Variants in SGO1 observed in about 807,000 individuals in gnomAD.
SGO1 encodes the protein serologically defined breast cancer antigen NY-BR-85.
Under a neutral mutation model 50.5 loss-of-function variants are expected in SGO1, and 39 were observed. The ratio of observed to expected loss-of-function variants is 0.77; its 90% CI spans 0.60 to 1.01. The LOEUF is 1.01. Among genes scored for constraint, SGO1 ranks in the 50% least tolerant of loss-of-function variants. SGO1 has a pLI of 0.00. For missense variants in SGO1, 638 were observed against 606.0 expected (o/e 1.05, Z -0.55); for synonymous variants, 191 against 205.1 (o/e 0.93, Z 0.59).
In SGO1 at chr3:20,183,510, C is replaced by G. The variant is rs568106234; in HGVS notation, c.339+98G>C. The stretch of plus-strand genomic sequence containing the variant: ...GATGTTTTAAACAATTCATGCATAA[C>G]TGAGCTATCAGTAATTCATTTAAAT... On this transcript the variant is annotated intron_variant, in intron 3 of 7. Transcript: ENST00000412997. 3 of 996,958 alleles carry G rather than the reference C, an allele frequency of 3.0e-6. No homozygotes were observed. The East Asian group carries it at 7.5e-5, about 25-fold the overall frequency. 61.8% of individuals were successfully genotyped at this position (996,958 alleles called of 1,614,324 possible).
At position 20,169,824 on chromosome 3, in the gene SGO1, A is replaced by G; in HGVS notation, c.*880T>C. Reference sequence around the variant, plus strand: ...CTAGTCATTTTCCCATACATATTTTATCTGAAAAATTAAATATAACAGTGG... The same window carrying G: ...CTAGTCATTTTCCCATACATATTTTGTCTGAAAAATTAAATATAACAGTGG... On this transcript the variant is annotated 3_prime_UTR_variant, in exon 8 of 8. Coordinates refer to ENST00000412997, the MANE Select transcript of SGO1 (RefSeq NM_001199251.3). The G allele has an allele frequency of 5.1e-6, 5 of 974,780 alleles. No homozygotes were observed. Among genetic ancestry groups the G allele is most frequent in the Non-Finnish European group, 6.1e-6 (5 of 820,228 alleles). 60.4% of individuals were successfully genotyped at this position (974,780 alleles called of 1,614,324 possible).
chr3:20,171,385 C>G (rs1700728396), intron 6 of SGO1, 153 bp from the exon 7 acceptor site: 1 of 553,568 alleles, frequency 1.8e-6, no homozygotes, highest in Non-Finnish European at 3.0e-6. Context: ...GTTGCCCAGG[C>G]TGAAGTGCAG....
intron 3 of SGO1, among the ~76,000 whole-genome samples, chr3:20,181,152 C>T (rs973186711): frequency 2.0e-5 from 3 of 152,138 alleles, no homozygotes; most frequent in African/African-American, 7.2e-5. Flanking sequence ...GAGACTCTGT[C>T]CACCCCCAAC....
At chr3:20,181,653 T>A (rs141055350) in intron 3 of SGO1, among the ~76,000 whole-genome samples, 2 of 152,290 alleles carry the variant, frequency 1.3e-5, no homozygotes, top group Non-Finnish European at 2.9e-5. Flanking sequence ...TCCTACTATT[T>A]CTGTTTTTCA....
downstream of SGO1, among the ~76,000 whole-genome samples, chr3:20,167,109 C>G (rs536571302): frequency 6.6e-6 from 1 of 152,128 alleles, no homozygotes; most frequent in African/African-American, 2.4e-5. Flanking sequence ...CAGCATAAAG[C>G]TAAACAAATA....
Position 20,170,329 on chromosome 3 carries a change from C to G in SGO1, c.*375G>C. Reference sequence around the variant, plus strand: ...AGGAGAATCGCTTGAACCTGGGAGGCGGAGGTTGCGGTAAGCTGAGATCGT... The same window carrying G: ...AGGAGAATCGCTTGAACCTGGGAGGGGGAGGTTGCGGTAAGCTGAGATCGT... On this transcript the variant is annotated 3_prime_UTR_variant, in exon 8 of 8. Coordinates refer to ENST00000412997, the MANE Select transcript of SGO1 (RefSeq NM_001199251.3). The G allele has an allele frequency of 3.0e-6, 2 of 662,000 alleles. No individual in the cohort carries two copies. The highest frequency in any genetic ancestry group is 3.7e-6 in the Non-Finnish European group (2 of 535,792). The allele number at this position is 662,000 out of a possible 1,614,324, so 41.0% of individuals were successfully genotyped here. A position where few individuals can be genotyped will look rare whatever the true frequency, so the allele number is the denominator to read the frequency against.
Position 20,174,589 on chromosome 3 carries a change from G to T in SGO1, c.942C>A (p.Ser314Arg). 6.3e-7 allele frequency: 1 copy of T among 1,599,780 alleles called. No homozygotes were observed. Among genetic ancestry groups the T allele is most frequent in the African/African-American group, 1.4e-5 (1 of 73,876 alleles). ...TTTGGGGAACAGTTTTTTTATTTTCGCTTTTATTCTCTTTATATTTTGACA... is the reference window on the plus strand; with the variant it reads ...TTTGGGGAACAGTTTTTTTATTTTCTCTTTTATTCTCTTTATATTTTGACA... ...KRMSKYKENKSENKKTVPQKK... is the reference protein window; with the variant it reads ...KRMSKYKENKRENKKTVPQKK... Residue 314 changes from serine (S) to arginine (R), a missense_variant, in exon 6 of 8, where the codon AGC (serine) becomes AGA (arginine). Transcript: ENST00000412997.
chr3:20,169,997 G>T lies in SGO1; in HGVS notation c.*707C>A. The T allele has an allele frequency of 1.0e-6, 1 of 984,750 alleles. No individual in the cohort carries two copies. Among genetic ancestry groups the T allele is most frequent in the Middle Eastern group, 5.2e-4 (1 of 1,910 alleles). The allele number at this position is 984,750 out of a possible 1,614,324, so 61.0% of individuals were successfully genotyped here. ...TAAAGAGTTTCAAAAGATCCTCTTA[G>T]AAAATCATTCACTTTAGTATCCCCT... On this transcript the variant is annotated 3_prime_UTR_variant, in exon 8 of 8. Transcript: ENST00000412997.
intron 3 of SGO1, among the ~76,000 whole-genome samples, chr3:20,182,740 C>T (rs9863456): frequency 0.013 from 2,005 of 152,140 alleles, 50 homozygotes; most frequent in African/African-American, 0.045. Flanking sequence ...AATTTGAGGC[C>T]GGGCGCGGTG....
rs563249397 is a variant in SGO1, at chr3:20,169,680, C to G, written c.*1024G>C. 8.6e-5 allele frequency: 80 copies of G among 930,698 alleles called. No homozygotes were observed. In the African/African-American group the frequency reaches 1.0e-3, roughly 12 times the overall value. 57.7% of individuals were successfully genotyped at this position (930,698 alleles called of 1,614,324 possible). A position where few individuals can be genotyped will look rare whatever the true frequency, so the allele number is the denominator to read the frequency against. Reference sequence around the variant, plus strand: ...GATTTCTGACTAAATAAGGAGCTACCCTGAAAGTACATGACATTTGTAATT... The same window carrying G: ...GATTTCTGACTAAATAAGGAGCTACGCTGAAAGTACATGACATTTGTAATT... On this transcript the variant is annotated 3_prime_UTR_variant, in exon 8 of 8. Coordinates refer to ENST00000412997, the MANE Select transcript of SGO1 (RefSeq NM_001199251.3).
In SGO1 at chr3:20,174,617, C is replaced by T. The variant is rs755701369; in HGVS notation, c.914G>A (p.Arg305His). The T allele has an allele frequency of 4.4e-6, 7 of 1,599,456 alleles. No homozygotes were observed. The highest frequency in any genetic ancestry group is 2.7e-5 in the African/African-American group (2 of 73,908). ...KRKANRRKSKRMSKYKENKSE... is the reference protein window; with the variant it reads ...KRKANRRKSKHMSKYKENKSE... Reference sequence around the variant, plus strand: ...TTTATTCTCTTTATATTTTGACATACGTTTTGATTTTCTCCTGTTAGCTTT... The same window carrying T: ...TTTATTCTCTTTATATTTTGACATATGTTTTGATTTTCTCCTGTTAGCTTT... The change falls in exon 6 of 8, where the codon CGT (arginine) becomes CAT (histidine). Residue 305 changes from arginine (R) to histidine (H), a missense_variant. Arg to His is a conservative substitution (Grantham distance 29, BLOSUM62 0). Coordinates refer to ENST00000412997, the MANE Select transcript of SGO1 (RefSeq NM_001199251.3).
intron 3 of SGO1, among the ~76,000 whole-genome samples, chr3:20,180,429 C>G (rs1459672330): frequency 6.6e-6 from 1 of 152,104 alleles, no homozygotes; most frequent in Non-Finnish European, 1.5e-5. Context: ...GGTTTCATTA[C>G]TTTTTCTCTA....
At chr3:20,175,854 G>C (rs1159913085) in intron 5 of SGO1, among the ~76,000 whole-genome samples, 1 of 151,988 alleles carries the variant, frequency 6.6e-6, no homozygotes, top group Non-Finnish European at 1.5e-5. Context: ...AAAATGAATA[G>C]TCTATATGTA....
chr3:20,176,683 A>T (rs773464773), intron 4 of SGO1, 24 bp from the exon 5 acceptor site: 2 of 1,480,042 alleles, frequency 1.4e-6, no homozygotes, highest in South Asian at 2.6e-5. Flanking sequence ...AATGAAAAAC[A>T]GAAATTTAAC....
intron 3 of SGO1, among the ~76,000 whole-genome samples, chr3:20,181,673 T>C (rs548409742): frequency 2.3e-4 from 35 of 152,340 alleles, no homozygotes; most frequent in African/African-American, 7.9e-4. Flanking sequence ...AGCAAAAACT[T>C]TGTAAAGGGA....
chr3:20,161,203 T>C, exon 9 of SGO1: 6 of 1,606,884 alleles, frequency 3.7e-6, no homozygotes, highest in Non-Finnish European at 4.2e-6. Context: ...ATTGCTTCTT[T>C]GGCAGGTGAT....
chr3:20,161,419 T>C (rs1278341374), intron 8 of SGO1, among the ~76,000 whole-genome samples: 2 of 151,954 alleles, frequency 1.3e-5, no homozygotes, highest in African/African-American at 4.8e-5. Flanking sequence ...TTGCTAAAAA[T>C]AGAGAAAACA....
intron 5 of SGO1, 114 bp from the exon 6 acceptor site, chr3:20,175,169 T>C (rs1448174309): frequency 2.8e-6 from 3 of 1,063,232 alleles, no homozygotes; most frequent in Non-Finnish European, 3.7e-6. Flanking sequence ...ATTCTGTAGT[T>C]TTCCTACATT....
chr3:20,181,161 AC>A (rs1701976756), intron 3 of SGO1, among the ~76,000 whole-genome samples: 1 of 152,196 alleles, frequency 6.6e-6, no homozygotes, highest in Non-Finnish European at 1.5e-5. Context: ...TCCACCCCCA[AC>A]CTACCCTGGC....
Sources: gnomAD v4.1 joint callset for allele counts (sites outside exome capture counted in the v4.1 genomes callset) on GRCh38, gnomAD v4.1.1 for gene constraint, MANE v1.5 for transcripts, NCBI Gene and HGNC (gene_info 2026-07-23, HGNC 2026-07-21) for gene names.